Variants in NBAS observed in about 807,000 individuals in gnomAD.
NBAS encodes the protein NAG/BC035112 fusion.
In NBAS, 219 loss-of-function variants were observed where a neutral mutation model predicts 302.5. The ratio of observed to expected loss-of-function variants is 0.72; its 90% CI spans 0.65 to 0.81. The LOEUF is 0.81. Among genes scored for constraint, NBAS ranks in the 30% least tolerant of loss-of-function variants. NBAS has a pLI of 0.00. For synonymous variants in NBAS, 1,118 were observed against 1,021.6 expected, an observed-to-expected ratio of 1.09 and a Z score of -1.80; for missense variants, 2,932 against 2,841.6, an observed-to-expected ratio of 1.03 and a Z score of -0.72.
In NBAS at chr2:15,541,335, G is replaced by GA. The variant is rs373967059; in HGVS notation, c.380-1980dup. On this transcript the variant is annotated intron_variant, in intron 6 of 51. Coordinates refer to ENST00000281513, the MANE Select transcript of NBAS (RefSeq NM_015909.4). ...TAACGAGTGACACCTATGTCTCTCAGAAAAAAAAATCTCTATTAACAGGGC... is the reference window on the plus strand; with the variant it reads ...TAACGAGTGACACCTATGTCTCTCAGAAAAAAAAAATCTCTATTAACAGGGC... Among the ~76,000 whole-genome samples the GA allele has an allele frequency of 4.0e-3, 609 of 151,554 alleles. 6 individuals carry two copies. Among genetic ancestry groups the GA allele is most frequent in the African/African-American group, 0.013 (557 of 41,348 alleles).
chr2:14,960,965 G>A, the NBAS span, among the ~76,000 whole-genome samples: 1 of 152,084 alleles, frequency 6.6e-6, no homozygotes, highest in Non-Finnish European at 1.5e-5. Flanking sequence ...AAGTCACCCT[G>A]ACAGCAGCAG....
At chr2:15,493,276 T>C (rs1472152936) in intron 11 of NBAS, among the ~76,000 whole-genome samples, 1 of 152,214 alleles carries the variant, frequency 6.6e-6, no homozygotes, top group Non-Finnish European at 1.5e-5. Flanking sequence ...TAGTTCTTTA[T>C]AGCAGTGTGA....
chr2:15,101,879 G>A, the NBAS span, among the ~76,000 whole-genome samples: 957 of 152,300 alleles, frequency 6.3e-3, 13 homozygotes, highest in African/African-American at 0.022. Flanking sequence ...GGGATGCTCC[G>A]CATTTCCCCA....
chr2:14,886,345 T>C, the NBAS span, among the ~76,000 whole-genome samples: 1 of 152,222 alleles, frequency 6.6e-6, no homozygotes, highest in East Asian at 1.9e-4. Context: ...TTGCCAGAAA[T>C]GTGTTTCCCT....
chr2:15,300,257 T>C (rs1448725433), intron 40 of NBAS, among the ~76,000 whole-genome samples: 2 of 152,202 alleles, frequency 1.3e-5, no homozygotes, highest in Non-Finnish European at 2.9e-5. Flanking sequence ...GAAAAGACTG[T>C]GGAATTAGAA....
the NBAS span, among the ~76,000 whole-genome samples, chr2:15,090,220 G>T: frequency 6.6e-6 from 1 of 152,142 alleles, no homozygotes; most frequent in Non-Finnish European, 1.5e-5. Context: ...GGAACAAAAA[G>T]GTTGTGAGAG....
At chr2:15,219,426 C>T (rs1252611330) in intron 47 of NBAS, among the ~76,000 whole-genome samples, 2 of 140,636 alleles carry the variant, frequency 1.4e-5, no homozygotes, top group African/African-American at 5.3e-5. Context: ...AGCAGATAAA[C>T]AAGTGAACAA....
At chr2:15,537,738 G>A (rs1054631230) in intron 7 of NBAS, among the ~76,000 whole-genome samples, 173 of 152,300 alleles carry the variant, frequency 1.1e-3, no homozygotes, top group African/African-American at 4.0e-3. Flanking sequence ...ATATAAGCCT[G>A]AGTCTAACCA....
chr2:15,279,754 C>T (rs1669743617), intron 42 of NBAS, among the ~76,000 whole-genome samples: 2 of 152,114 alleles, frequency 1.3e-5, no homozygotes, highest in Admixed American at 1.3e-4. Flanking sequence ...CCCAAACCTC[C>T]CTTTTCAGTA....
At chr2:15,043,454 C>T in the NBAS span, among the ~76,000 whole-genome samples, 1 of 152,174 alleles carries the variant, frequency 6.6e-6, no homozygotes, top group South Asian at 2.1e-4. Context: ...AAAGCCCATC[C>T]ATATCCATCC....
At chr2:14,871,305 A>C in the NBAS span, among the ~76,000 whole-genome samples, 1 of 152,146 alleles carries the variant, frequency 6.6e-6, no homozygotes, top group South Asian at 2.1e-4. Flanking sequence ...AGAAACTTAC[A>C]GACTCCTAGA....
At chr2:15,200,710 A>G (rs1311520674) in intron 48 of NBAS, among the ~76,000 whole-genome samples, 2 of 152,148 alleles carry the variant, frequency 1.3e-5, no homozygotes, top group African/African-American at 2.4e-5. Flanking sequence ...GAATTAGGTG[A>G]CTTTTGCCCT....
chr2:15,220,253 C>T (rs1666891972), intron 47 of NBAS, among the ~76,000 whole-genome samples: 1 of 150,768 alleles, frequency 6.6e-6, no homozygotes, highest in Non-Finnish European at 1.5e-5. Context: ...GTAGGGGCGG[C>T]CGGGCAGAGG....
Position 15,167,061 on chromosome 2 carries a change from T to C in NBAS, c.7103A>G (p.Gln2368Arg), listed in dbSNP as rs748259476. The C allele has an allele frequency of 2.5e-6, 4 of 1,583,628 alleles. No individual in the cohort carries two copies. The East Asian group carries it at 6.7e-5, about 27-fold the overall frequency. The change falls in exon 52 of 52, where the codon CAG (glutamine) becomes CGG (arginine). Residue 2368 changes from glutamine (Q) to arginine (R), a missense_variant. Transcript: ENST00000281513. ...CACAGGTGGCCCTCACACCCAGTGC[T>C]GTGCTGCGCGGAGGGCTGTACTGAA... ...RTFSTALRAA[Q>R]HWV
the NBAS span, among the ~76,000 whole-genome samples, chr2:15,126,044 T>C: frequency 8.0e-3 from 1,220 of 152,274 alleles, 13 homozygotes; most frequent in African/African-American, 0.028. Flanking sequence ...GTGTTGGAGG[T>C]AGAGCCTGGT....
the NBAS span, among the ~76,000 whole-genome samples, chr2:15,078,721 T>TA: frequency 2.6e-5 from 4 of 152,272 alleles, no homozygotes; most frequent in South Asian, 2.1e-4. Flanking sequence ...CTTGGCACTG[T>TA]AAAAAAATTT....
At chr2:15,006,824 A>G in the NBAS span, among the ~76,000 whole-genome samples, 2 of 152,236 alleles carry the variant, frequency 1.3e-5, no homozygotes, top group Admixed American at 1.3e-4. Flanking sequence ...AAGTACTTTC[A>G]GGTTCATACA....
the NBAS span, among the ~76,000 whole-genome samples, chr2:14,875,696 C>T: frequency 2.0e-5 from 3 of 152,032 alleles, no homozygotes; most frequent in Non-Finnish European, 2.9e-5. Flanking sequence ...ACTAAAATAG[C>T]TTAAAATATG....
At position 15,376,770 on chromosome 2, in the gene NBAS, T is replaced by C. The variant is rs189600061; in HGVS notation, c.3591-2050A>G. On this transcript the variant is annotated intron_variant, in intron 30 of 51. Transcript: ENST00000281513. ...TAATTAATAAATAATACTTTAATCATTAAGAATGTATGGGTTATTCTCTAC... is the reference window on the plus strand; with the variant it reads ...TAATTAATAAATAATACTTTAATCACTAAGAATGTATGGGTTATTCTCTAC... Among the ~76,000 whole-genome samples, 5 of 152,224 alleles carry C rather than the reference T, an allele frequency of 3.3e-5. No individual in the cohort carries two copies. The East Asian group carries it at 7.7e-4, about 24-fold the overall frequency.
Sources: gnomAD v4.1 joint callset for allele counts (sites outside exome capture counted in the v4.1 genomes callset) on GRCh38, gnomAD v4.1.1 for gene constraint, MANE v1.5 for transcripts, NCBI Gene and HGNC (gene_info 2026-07-23, HGNC 2026-07-21) for gene names.